MLYCD: variants seen among roughly 807,000 people sequenced by gnomAD.
The protein encoded by MLYCD is malonyl-CoA decarboxylase, mitochondrial.
A neutral mutation model predicts 35.8 loss-of-function variants in MLYCD; 27 were observed. That is an observed-to-expected ratio of 0.75 (90% confidence interval 0.56 to 1.04). MLYCD has a LOEUF of 1.04. Among genes scored for constraint, MLYCD ranks in the 50% least tolerant of loss-of-function variants. The pLI is 0.00. For missense variants in MLYCD, 917 were observed against 665.1 expected (o/e 1.38, Z -4.17); for synonymous variants, 403 against 302.4 (o/e 1.33, Z -3.45).
rs757983774 is a variant in MLYCD at position 83,908,238 on chromosome 16, GT to G, written c.758del (p.Leu253CysfsTer5). 9.3e-6 allele frequency: 15 copies of G among 1,614,030 alleles called. No individual in the cohort carries two copies. The South Asian group carries it at 1.6e-4, about 18-fold the overall frequency. On this transcript the variant is annotated frameshift_variant, in exon 3 of 5. Transcript: ENST00000262430. LOFTEE classifies it high-confidence loss of function. ...HCSTPGEPLV[V>X]LHVALTGDIS... ...TTCGACCCCTGGGGAGCCCCTGGTC[GT>G]TTTGCACGTGGCACTGACTGGTGAC...
chr16:83,918,744 C>T lies in MLYCD; in HGVS notation c.*3255C>T, dbSNP rs180993160. The T allele has an allele frequency of 8.4e-4, 121 of 143,592 alleles. No individual in the cohort carries two copies. The highest frequency in any genetic ancestry group is 3.2e-3 in the African/African-American group (120 of 37,820). The allele number at this position is 143,592 out of a possible 1,614,324, so 8.9% of individuals were successfully genotyped here. On this transcript the variant is annotated 3_prime_UTR_variant, in exon 5 of 5. Coordinates refer to ENST00000262430, the MANE Select transcript of MLYCD (RefSeq NM_012213.3). ...CACACACAGTGCACAGAACACAGTG[C>T]ACAGGAGAACACGCACACAGTGCAC...
In MLYCD at chr16:83,924,353, AG is replaced by A. The variant is rs1907743185; in HGVS notation, c.*8868del. ...CTGGCGTCACCTCTTCATGTTGACG[AG>A]GGGAGATGAGTGGCCCAGGCAGTTC... is the stretch of plus-strand genomic sequence containing the variant. On this transcript the variant is annotated 3_prime_UTR_variant, in exon 5 of 5. Transcript: ENST00000262430. 1.3e-5 allele frequency: 2 copies of A among 152,100 alleles called. No homozygotes were observed. Among genetic ancestry groups the A allele is most frequent in the African/African-American group, 4.8e-5 (2 of 41,374 alleles). 9.4% of individuals were successfully genotyped at this position (152,100 alleles called of 1,614,324 possible).
chr16:83,915,410 A>C lies in MLYCD; in HGVS notation c.1403A>C (p.Tyr468Ser), dbSNP rs751976053. ...LEETGPNSTS[Y>S]LGSKIIKASE... The stretch of plus-strand genomic sequence containing the variant: ...GAGACGGGCCCCAACAGCACCTCCT[A>C]CCTCGGCTCCAAGATCATCAAAGCC... Residue 468 changes from tyrosine to serine, a missense_variant, in exon 5 of 5, where the codon TAC becomes TCC. Coordinates refer to ENST00000262430, the MANE Select transcript of MLYCD (RefSeq NM_012213.3). The C allele has an allele frequency of 4.3e-6, 7 of 1,613,820 alleles. No homozygotes were observed. In the South Asian group the frequency reaches 6.6e-5, roughly 15 times the overall value.
intron 4 of MLYCD, chr16:83,912,580 A>G (rs1024620680): frequency 3.2e-6 from 2 of 623,978 alleles, no homozygotes; most frequent in Non-Finnish European, 5.6e-6. Context: ...GAGGCCTCCA[A>G]CCCAGCTGCC....
At chr16:83,902,173 A>ATT (rs1906818006) in intron 1 of MLYCD, among the ~76,000 whole-genome samples, 1 of 144,992 alleles carries the variant, frequency 6.9e-6, no homozygotes, top group Non-Finnish European at 1.5e-5. Flanking sequence ...ATATATATAT[A>ATT]TATATATATA....
At chr16:83,902,155 GTATATA>G (rs386385269) in intron 1 of MLYCD, among the ~76,000 whole-genome samples, 1,347 of 87,310 alleles carry the variant, frequency 0.015, 27 homozygotes, top group Middle Eastern at 0.049. Flanking sequence ...GTGTGCGTGC[GTATATA>G]TATATATATA....
intron 3 of MLYCD, chr16:83,911,921 A>C: frequency 2.5e-6 from 1 of 404,112 alleles, no homozygotes; most frequent in South Asian, 2.2e-5. Flanking sequence ...TGTTTGCACA[A>C]AGGCCTAAAA....
Position 83,917,062 on chromosome 16 carries a change from G to C in MLYCD, c.*1573G>C, listed in dbSNP as rs1264491385. On this transcript the variant is annotated 3_prime_UTR_variant, in exon 5 of 5. Coordinates refer to ENST00000262430, the MANE Select transcript of MLYCD (RefSeq NM_012213.3). ...TGCACAAGCGTCTCTGTGTGGATCA[G>C]TGCACGTCTGTGTGCGTGTGCACGA... The C allele has an allele frequency of 1.3e-5, 1 of 78,448 alleles. No individual in the cohort carries two copies. The highest frequency in any genetic ancestry group is 1.3e-4 in the Admixed American group (1 of 7,978). The allele number at this position is 78,448 out of a possible 1,614,324, so 4.9% of individuals were successfully genotyped here.
chr16:83,919,037 A>T lies in MLYCD; in HGVS notation c.*3548A>T, dbSNP rs1907545108. The T allele has an allele frequency of 6.9e-6, 1 of 145,636 alleles. No homozygotes were observed. Among genetic ancestry groups the T allele is most frequent in the Non-Finnish European group, 1.5e-5 (1 of 66,924 alleles). 9.0% of individuals were successfully genotyped at this position (145,636 alleles called of 1,614,324 possible). The stretch of plus-strand genomic sequence containing the variant: ...ACACACAGTGCACAGGAGAACATAC[A>T]CGCAGTACACAGACACAGTGCACCG... On this transcript the variant is annotated 3_prime_UTR_variant, in exon 5 of 5. Coordinates refer to ENST00000262430, the MANE Select transcript of MLYCD (RefSeq NM_012213.3).
chr16:83,912,423 C>T (rs1427618674), intron 4 of MLYCD, 56 bp downstream of exon 4: 13 of 1,609,176 alleles, frequency 8.1e-6, no homozygotes, highest in Middle Eastern at 1.7e-4. Flanking sequence ...GTCAGGTCAG[C>T]GAACCTCGTG....
chr16:83,899,222 G>A lies in MLYCD; in HGVS notation c.78G>A (p.Arg26=). ...TGCCCCCGCGGCCGCCCGGGCCCCG[G>A]CTGGCGAGCGGGCAGGCGGCCGGCG... ...LRLPPRPPGP[R]LASGQAAGAL... The change falls in exon 1 of 5, where the codon CGG becomes CGA. Residue 26 remains arginine, a synonymous_variant. Coordinates refer to ENST00000262430, the MANE Select transcript of MLYCD (RefSeq NM_012213.3). 8.1e-7 allele frequency: 1 copy of A among 1,227,884 alleles called. No homozygotes were observed. The highest frequency in any genetic ancestry group is 1.0e-6 in the Non-Finnish European group (1 of 988,500). The allele number at this position is 1,227,884 out of a possible 1,614,324, so 76.1% of individuals were successfully genotyped here.
Position 83,909,448 on chromosome 16 carries a change from C to T in MLYCD, c.798+1166C>T, listed in dbSNP as rs1247498684. Among the ~76,000 whole-genome samples the T allele has an allele frequency of 2.6e-5, 4 of 152,128 alleles. No homozygotes were observed. In the East Asian group the frequency reaches 7.7e-4, roughly 29 times the overall value. The stretch of plus-strand genomic sequence containing the variant: ...TTGTAGGTTTATATGGAAAACCAGC[C>T]TTGACTTACTCTTGAGTAGAAGTTC... On this transcript the variant is annotated intron_variant, in intron 3 of 4. Coordinates refer to ENST00000262430, the MANE Select transcript of MLYCD (RefSeq NM_012213.3).
Position 83,916,100 on chromosome 16 carries a change from G to T in MLYCD, c.*611G>T. ...ATGTTGCTGCTTGAGGCATAAGTTGGATAATAGGCTTTAAATGATCAGGGA... is the reference window on the plus strand; with the variant it reads ...ATGTTGCTGCTTGAGGCATAAGTTGTATAATAGGCTTTAAATGATCAGGGA... On this transcript the variant is annotated 3_prime_UTR_variant, in exon 5 of 5. Transcript: ENST00000262430. 1 of 995,960 alleles carries T rather than the reference G, an allele frequency of 1.0e-6. No homozygotes were observed. The highest frequency in any genetic ancestry group is 1.2e-6 in the Non-Finnish European group (1 of 834,898). 61.7% of individuals were successfully genotyped at this position (995,960 alleles called of 1,614,324 possible). A position where few individuals can be genotyped will look rare whatever the true frequency, so the allele number is the denominator to read the frequency against.
In MLYCD at chr16:83,917,325, CTG is replaced by C. The variant is rs1470537646; in HGVS notation, c.*1841_*1842del. 4 of 154,250 alleles carry C rather than the reference CTG, an allele frequency of 2.6e-5. No homozygotes were observed. Among genetic ancestry groups the C allele is most frequent in the East Asian group, 1.9e-4 (1 of 5,148 alleles). The allele number at this position is 154,250 out of a possible 1,614,324, so 9.6% of individuals were successfully genotyped here. ...AGCATCTGTGTGTGTCAGTGCACGTCTGTGTGCGTGTGCACGAGCGTCTCTGG... is the reference window on the plus strand; with the variant it reads ...AGCATCTGTGTGTGTCAGTGCACGTCTGTGCGTGTGCACGAGCGTCTCTGG... On this transcript the variant is annotated 3_prime_UTR_variant, in exon 5 of 5. Coordinates refer to ENST00000262430, the MANE Select transcript of MLYCD (RefSeq NM_012213.3).
At chr16:83,899,794 C>T (rs1011773545) in intron 1 of MLYCD, 122 bp downstream of exon 1, 6 of 1,215,550 alleles carry the variant, frequency 4.9e-6, no homozygotes, top group African/African-American at 4.8e-5. Flanking sequence ...GCTCACTTCG[C>T]CCGCAGTTAC....
At chr16:83,909,824 G>T (rs752235260) in intron 3 of MLYCD, among the ~76,000 whole-genome samples, 3 of 151,276 alleles carry the variant, frequency 2.0e-5, no homozygotes, top group Non-Finnish European at 4.4e-5. Flanking sequence ...GCAGAGATGG[G>T]ATTTCACCAT....
In MLYCD at chr16:83,918,755, A is replaced by ACC. The variant is rs1243603540; in HGVS notation, c.*3267_*3268insCC. 7.3e-6 allele frequency: 1 copy of ACC among 137,902 alleles called. No individual in the cohort carries two copies. Among genetic ancestry groups the ACC allele is most frequent in the East Asian group, 2.3e-4 (1 of 4,262 alleles). The allele number at this position is 137,902 out of a possible 1,614,324, so 8.5% of individuals were successfully genotyped here. On this transcript the variant is annotated 3_prime_UTR_variant, in exon 5 of 5. Transcript: ENST00000262430. ...CACAGAACACAGTGCACAGGAGAAC[A>ACC]CGCACACAGTGCACAGAGAACCACA...
chr16:83,900,431 C>CT (rs942875411), intron 1 of MLYCD, among the ~76,000 whole-genome samples: 2 of 151,934 alleles, frequency 1.3e-5, no homozygotes, highest in Non-Finnish European at 2.9e-5. Context: ...CTAACCTGCC[C>CT]TTTTTTTATT....
At chr16:83,914,670 T>G (rs759403978) in intron 4 of MLYCD, 4 of 456,304 alleles carry the variant, frequency 8.8e-6, no homozygotes, top group Non-Finnish European at 1.6e-5. Context: ...TCCCAGCTAC[T>G]CAGCAGGCTG....
Sources: allele counts gnomAD v4.1 joint callset (sites outside exome capture counted in the v4.1 genomes callset), GRCh38; gene constraint gnomAD v4.1.1; transcripts MANE v1.5; gene names NCBI Gene and HGNC (gene_info 2026-07-23, HGNC 2026-07-21).